Variants in MIER3 observed in about 807,000 individuals in gnomAD.
MIER3 encodes mesoderm induction early response protein 3.
Under a neutral mutation model 63.2 loss-of-function variants are expected in MIER3, and 9 were observed. The observed-to-expected ratio is 0.14, with a 90% confidence interval of 0.09 to 0.25. The LOEUF is 0.25. Among genes scored for constraint, MIER3 ranks in the 10% least tolerant of loss-of-function variants. MIER3 has a pLI of 1.00. For synonymous variants in MIER3, 205 were observed against 224.9 expected (o/e 0.91, Z 0.79); for missense variants, 512 against 666.2 (o/e 0.77, Z 2.55).
rs545184862 is a variant in MIER3 at position 56,922,478 on chromosome 5, T to A, written c.*650A>T. 1.3e-4 allele frequency: 20 copies of A among 152,900 alleles called. No homozygotes were observed. Among genetic ancestry groups the A allele is most frequent in the African/African-American group, 4.8e-4 (20 of 41,574 alleles). 9.5% of individuals were successfully genotyped at this position (152,900 alleles called of 1,614,324 possible). ...GTCTTCATTATTTGCACACAGTTCC[T>A]TGTGCTGGCTTCCATAAAGATGGAC... On this transcript the variant is annotated 3_prime_UTR_variant, in exon 13 of 13. Coordinates refer to ENST00000381199, the MANE Select transcript of MIER3 (RefSeq NM_001297599.2).
chr5:56,933,449 G>A (rs1750341462), intron 7 of MIER3, 51 bp from the exon 8 acceptor site: 6 of 1,511,762 alleles, frequency 4.0e-6, no homozygotes, highest in Non-Finnish European at 5.3e-6. Context: ...CGCACTCAAA[G>A]ATGTACACAA....
chr5:56,937,917 C>T (rs1382703356), intron 4 of MIER3, among the ~76,000 whole-genome samples: 1 of 151,418 alleles, frequency 6.6e-6, no homozygotes, highest in Non-Finnish European at 1.5e-5. Flanking sequence ...CAACCATATA[C>T]TAAAACAATT....
At chr5:56,930,816 G>C in intron 8 of MIER3, 71 bp from the exon 9 acceptor site, 1 of 1,237,964 alleles carries the variant, frequency 8.1e-7, no homozygotes, top group South Asian at 1.2e-5. Flanking sequence ...AGGTGTAAGA[G>C]TTTTGATAAA....
chr5:56,939,063 AC>A (rs1177603543), intron 3 of MIER3, 46 bp from the exon 4 acceptor site: 12 of 1,601,834 alleles, frequency 7.5e-6, no homozygotes, highest in Non-Finnish European at 9.4e-6. Flanking sequence ...ATGTCACAAT[AC>A]TGAACTGCAG....
intron 1 of MIER3, 117 bp downstream of exon 1, chr5:56,951,977 C>G: frequency 1.1e-6 from 1 of 886,704 alleles, no homozygotes; most frequent in Non-Finnish European, 1.4e-6. Context: ...CGTCGCCACG[C>G]CGCCCCTCAT....
chr5:56,924,968 G>A (rs943984885), intron 10 of MIER3, among the ~76,000 whole-genome samples: 3 of 152,288 alleles, frequency 2.0e-5, no homozygotes, highest in African/African-American at 7.2e-5. Flanking sequence ...AGAGAATGCA[G>A]GCTTCGTGGG....
chr5:56,930,653 G>A lies in MIER3; in HGVS notation c.829+11C>T. ...TGTCATGTCCCTCTCTTAAACCCAA[G>A]TGTTTCTTACCTTGAGAGGCCTTTC... On this transcript the variant is annotated intron_variant, in intron 9 of 12. Transcript: ENST00000381199. 2 of 1,611,580 alleles carry A rather than the reference G, an allele frequency of 1.2e-6. No individual in the cohort carries two copies. Among genetic ancestry groups the A allele is most frequent in the Non-Finnish European group, 1.7e-6 (2 of 1,177,804 alleles).
chr5:56,950,509 TAAAAATC>T, intron 2 of MIER3, 112 bp downstream of exon 2: 1 of 1,106,768 alleles, frequency 9.0e-7, no homozygotes, highest in East Asian at 2.5e-5. Flanking sequence ...CTGAAACTCT[TAAAAATC>T]AATGAAGAAA....
intron 5 of MIER3, among the ~76,000 whole-genome samples, chr5:56,936,433 CA>C (rs1750448962): frequency 6.6e-6 from 1 of 151,778 alleles, no homozygotes; most frequent in South Asian, 2.1e-4. Context: ...ACTTATTGAC[CA>C]AACAGTTCTT....
chr5:56,948,705 T>G (rs1466500078), intron 2 of MIER3, among the ~76,000 whole-genome samples: 4 of 152,122 alleles, frequency 2.6e-5, no homozygotes. Context: ...AATAAGAATA[T>G]TTATTAATTA....
intron 3 of MIER3, among the ~76,000 whole-genome samples, chr5:56,939,632 T>A (rs1186480437): frequency 1.3e-5 from 2 of 152,208 alleles, no homozygotes; most frequent in Non-Finnish European, 2.9e-5. Flanking sequence ...TGGGTTTGAA[T>A]CCCAGTTCCC....
rs550944727 is a variant in MIER3, at chr5:56,928,955, A to T, written c.830-94T>A. On this transcript the variant is annotated intron_variant, in intron 9 of 12. Coordinates refer to ENST00000381199, the MANE Select transcript of MIER3 (RefSeq NM_001297599.2). ...ATGTTTTCCCTGTAAAAGGTCACAA[A>T]CTCTCTCTCTCTCTCACACACACAC... 17 of 579,012 alleles carry T rather than the reference A, an allele frequency of 2.9e-5. No individual in the cohort carries two copies. The East Asian group carries it at 3.7e-4, about 13-fold the overall frequency. 35.9% of individuals were successfully genotyped at this position (579,012 alleles called of 1,614,324 possible).
chr5:56,939,131 C>G, intron 3 of MIER3, 114 bp from the exon 4 acceptor site: 1 of 1,152,846 alleles, frequency 8.7e-7, no homozygotes, highest in Non-Finnish European at 1.2e-6. Context: ...CAGAACAAAT[C>G]AAAGGCAAGT....
chr5:56,945,300 C>G (rs1458399299), intron 3 of MIER3, among the ~76,000 whole-genome samples: 1 of 151,792 alleles, frequency 6.6e-6, no homozygotes, highest in Non-Finnish European at 1.5e-5. Flanking sequence ...CCGTCTCTAC[C>G]AAAAATACAA....
intron 4 of MIER3, chr5:56,938,474 C>T (rs538223840): frequency 3.1e-4 from 133 of 430,386 alleles, no homozygotes; most frequent in African/African-American, 9.8e-4. Flanking sequence ...CTGCTGCGGC[C>T]GCTGTCACTC....
intron 3 of MIER3, among the ~76,000 whole-genome samples, chr5:56,941,767 A>G (rs1750654222): frequency 6.6e-6 from 1 of 152,208 alleles, no homozygotes; most frequent in Non-Finnish European, 1.5e-5. Flanking sequence ...CATGAAGAAA[A>G]GTTAAGAAGG....
rs965887478 is a variant in MIER3, at chr5:56,919,712, T to C, written c.*3416A>G. 7.9e-5 allele frequency: 12 copies of C among 152,606 alleles called. No individual in the cohort carries two copies. The highest frequency in any genetic ancestry group is 2.7e-4 in the African/African-American group (11 of 41,464). The allele number at this position is 152,606 out of a possible 1,614,324, so 9.5% of individuals were successfully genotyped here. A position where few individuals can be genotyped will look rare whatever the true frequency, so the allele number is the denominator to read the frequency against. On this transcript the variant is annotated 3_prime_UTR_variant, in exon 13 of 13. Transcript: ENST00000381199. Reference sequence around the variant, plus strand: ...GTTTATGTACAAATATTAAAATCAATGCAATAGCAACTTCCTCTTGAACAT... The same window carrying C: ...GTTTATGTACAAATATTAAAATCAACGCAATAGCAACTTCCTCTTGAACAT...
chr5:56,951,789 C>G (rs1751043282), intron 1 of MIER3, among the ~76,000 whole-genome samples: 1 of 151,754 alleles, frequency 6.6e-6, no homozygotes, highest in Admixed American at 6.6e-5. Flanking sequence ...GGACACGGCA[C>G]TGCCTCGTCC....
chr5:56,930,561 A>G (rs946819128), intron 9 of MIER3, 103 bp downstream of exon 9: 10 of 928,050 alleles, frequency 1.1e-5, no homozygotes, highest in Admixed American at 1.9e-5. Context: ...AGATCTTACA[A>G]AAGTGTTACA....
Sources: gnomAD v4.1 joint callset for allele counts (sites outside exome capture counted in the v4.1 genomes callset) on GRCh38, gnomAD v4.1.1 for gene constraint, MANE v1.5 for transcripts, NCBI Gene and HGNC (gene_info 2026-07-23, HGNC 2026-07-21) for gene names.